The following USH2A variants were observed in gnomAD, a reference collection of about 807,000 sequenced individuals.
USH2A encodes Usher syndrome 2A (autosomal recessive, mild).
In USH2A, 443 loss-of-function variants were observed where a neutral mutation model predicts 538.9. The ratio of observed to expected loss-of-function variants is 0.82; its 90% CI spans 0.76 to 0.89. The LOEUF (loss-of-function observed/expected upper bound fraction) is 0.89, where lower values mean the gene tolerates loss of function less well. Among genes scored for constraint, USH2A ranks in the 40% least tolerant of loss-of-function variants. The pLI is 0.00. For synonymous variants in USH2A, 2,413 were observed against 2,273.5 expected (o/e 1.06, Z -1.75); for missense variants, 6,633 against 6,324.8 (o/e 1.05, Z -1.65).
At chr1:216,068,833 CCCTAATAACAACT>C (rs1279375265) in intron 30 of USH2A, among the ~76,000 whole-genome samples, 1 of 152,034 alleles carries the variant, frequency 6.6e-6, no homozygotes, top group African/African-American at 2.4e-5. Context: ...TTCATCCAAC[CCCTAATAACAACT>C]CCATCAGGCA....
At position 216,070,285 on chromosome 1, in the gene USH2A, T is replaced by C. The variant is rs763291789; in HGVS notation, c.5865A>G (p.Gln1955=). Residue 1955 remains glutamine, a synonymous_variant, in exon 30 of 72, where the codon CAA becomes CAG. Transcript: ENST00000307340. Reference sequence around the variant, plus strand: ...GGACTCTTGAGGGAGTTGGCACACTTTGTGGAGCTGTGAAGGAATAAAAGA... The same window carrying C: ...GGACTCTTGAGGGAGTTGGCACACTCTGTGGAGCTGTGAAGGAATAAAAGA... ...SRGRTTGAAP[Q]SVPTPSRVRS... 10 of 1,613,886 alleles carry C rather than the reference T, an allele frequency of 6.2e-6. No homozygotes were observed. In the Admixed American group the frequency reaches 1.7e-4, roughly 27 times the overall value.
At chr1:215,861,794 GAA>G (rs967324945) in intron 44 of USH2A, among the ~76,000 whole-genome samples, 2 of 148,232 alleles carry the variant, frequency 1.3e-5, no homozygotes, top group Non-Finnish European at 1.5e-5. Context: ...ATCACTAAAA[GAA>G]AAAGAGGAGA....
At chr1:216,367,836 T>A (rs2102712533) in intron 3 of USH2A, among the ~76,000 whole-genome samples, 1 of 152,292 alleles carries the variant, frequency 6.6e-6, no homozygotes, top group African/African-American at 2.4e-5. Context: ...CATAGCTCAT[T>A]CCGATGGTCC....
intron 38 of USH2A, among the ~76,000 whole-genome samples, chr1:215,927,335 A>G (rs1282063627): frequency 6.6e-6 from 1 of 152,140 alleles, no homozygotes; most frequent in African/African-American, 2.4e-5. Context: ...AGGAGTTTTC[A>G]AAGTGGAAAT....
intron 30 of USH2A, among the ~76,000 whole-genome samples, chr1:216,060,968 A>G (rs772399881): frequency 6.6e-6 from 1 of 152,210 alleles, no homozygotes; most frequent in Non-Finnish European, 1.5e-5. Flanking sequence ...GAGCCCTTTC[A>G]ACAAATCTAA....
chr1:215,741,331 C>A, intron 60 of USH2A, 44 bp downstream of exon 60: 1 of 1,590,088 alleles, frequency 6.3e-7, no homozygotes, highest in South Asian at 1.1e-5. Context: ...TGGAGCAGTA[C>A]GCATTCTTAA....
chr1:216,203,449 A>G (rs1426101851), intron 16 of USH2A, among the ~76,000 whole-genome samples: 1 of 152,076 alleles, frequency 6.6e-6, no homozygotes, highest in Non-Finnish European at 1.5e-5. Flanking sequence ...AAAACATCTT[A>G]TTGTACTGTA....
In USH2A at chr1:216,013,465, GCCT is replaced by G. The variant is rs1408390536; in HGVS notation, c.6326-12906_6326-12904del. 1.9e-4 allele frequency among the ~76,000 whole-genome samples: 29 copies of G among 151,828 alleles called. No homozygotes were observed. In the South Asian group the frequency reaches 4.4e-3, roughly 23 times the overall value. ...TAATATAAGAAGACAGGAATGTCAG[GCCT>G]CTGAGCCCAAGCTAAGCCATCATAT... On this transcript the variant is annotated intron_variant, in intron 32 of 71. Coordinates refer to ENST00000307340, the MANE Select transcript of USH2A (RefSeq NM_206933.4).
chr1:215,742,885 C>T (rs184527425), intron 59 of USH2A, among the ~76,000 whole-genome samples: 1 of 152,144 alleles, frequency 6.6e-6, no homozygotes, highest in East Asian at 1.9e-4. Context: ...TTTTATATTA[C>T]CAAAGACTCC....
chr1:216,129,372 G>T (rs1025638181), intron 21 of USH2A, among the ~76,000 whole-genome samples: 1 of 152,118 alleles, frequency 6.6e-6, no homozygotes, highest in Non-Finnish European at 1.5e-5. Context: ...CCCACCAACA[G>T]TGTAGAAGAG....
At chr1:216,010,328 G>C (rs1232821196) in intron 32 of USH2A, among the ~76,000 whole-genome samples, 2 of 152,228 alleles carry the variant, frequency 1.3e-5, no homozygotes, top group East Asian at 3.9e-4. Context: ...TGCAGCCCAG[G>C]ATTCCTCCTA....
At chr1:215,820,439 T>TA (rs1240086899) in intron 47 of USH2A, among the ~76,000 whole-genome samples, 1 of 151,608 alleles carries the variant, frequency 6.6e-6, no homozygotes, top group Non-Finnish European at 1.5e-5. Flanking sequence ...GCCTGGAGTT[T>TA]AAAAAAATAT....
chr1:215,758,854 C>T, intron 57 of USH2A, 102 bp from the exon 58 acceptor site: 8 of 1,305,992 alleles, frequency 6.1e-6, no homozygotes, highest in Non-Finnish European at 8.6e-6. Context: ...AAATTTGTGA[C>T]AAATTGCAAA....
chr1:216,254,600 C>T (rs1401390640), intron 11 of USH2A, among the ~76,000 whole-genome samples: 1 of 152,142 alleles, frequency 6.6e-6, no homozygotes, highest in Non-Finnish European at 1.5e-5. Context: ...TCTGAGATCA[C>T]CTTGTGAGCA....
intron 46 of USH2A, among the ~76,000 whole-genome samples, chr1:215,843,064 G>T (rs1009211418): frequency 1.3e-5 from 2 of 152,100 alleles, no homozygotes; most frequent in Non-Finnish European, 2.9e-5. Flanking sequence ...TAGGAAGCTA[G>T]GTCTATGAGT....
At chr1:215,873,685 C>T (rs1478385191) in intron 43 of USH2A, among the ~76,000 whole-genome samples, 1 of 151,740 alleles carries the variant, frequency 6.6e-6, no homozygotes, top group African/African-American at 2.4e-5. Context: ...TTAAGTCTTA[C>T]CCTTCTTTGA....
chr1:215,925,637 T>A (rs572948027), intron 38 of USH2A, among the ~76,000 whole-genome samples: 1 of 152,282 alleles, frequency 6.6e-6, no homozygotes, highest in South Asian at 2.1e-4. Context: ...TCATCTTTCC[T>A]TCTACCCTCT....
intron 49 of USH2A, among the ~76,000 whole-genome samples, chr1:215,804,943 A>G (rs917280281): frequency 1.3e-5 from 2 of 152,210 alleles, no homozygotes; most frequent in African/African-American, 4.8e-5. Context: ...ACCATGGAAT[A>G]CTATGCAGCC....
intron 3 of USH2A, among the ~76,000 whole-genome samples, chr1:216,406,146 A>G (rs917897398): frequency 2.0e-5 from 3 of 152,168 alleles, no homozygotes; most frequent in African/African-American, 7.2e-5. Flanking sequence ...ATTTTAATAA[A>G]ATCATATGGA....
Sources: gnomAD v4.1 joint callset for allele counts (sites outside exome capture counted in the v4.1 genomes callset) on GRCh38, gnomAD v4.1.1 for gene constraint, MANE v1.5 for transcripts, NCBI Gene and HGNC (gene_info 2026-07-23, HGNC 2026-07-21) for gene names.